Variants in ESRRB observed in about 807,000 individuals in gnomAD.
The protein encoded by ESRRB is steroid hormone receptor ERR2.
In ESRRB, 16 loss-of-function variants were observed where a neutral mutation model predicts 46.0. The ratio of observed to expected loss-of-function variants is 0.35; its 90% confidence interval spans 0.24 to 0.53. The LOEUF (loss-of-function observed/expected upper bound fraction) is 0.53, where lower values mean the gene tolerates loss of function less well. Ranked by LOEUF, ESRRB falls within the 20% of genes least tolerant of loss-of-function variation. ESRRB has a pLI of 0.93. For synonymous variants in ESRRB, 246 were observed against 259.6 expected (o/e 0.95, Z 0.50); for missense variants, 488 against 607.4 (o/e 0.80, Z 2.07).
At position 76,482,846 on chromosome 14, in the gene ESRRB, C is replaced by A; in HGVS notation, c.850+87C>A. On this transcript the variant is annotated intron_variant, in intron 5 of 6. Coordinates refer to ENST00000644823, the MANE Select transcript of ESRRB (RefSeq NM_001379180.1). This position sits in a 1 kb window ranked among gnomAD's most constrained non-coding sequence, Gnocchi z 4.3. ...TACCCAATGGCTGTGCTTCTGATGC[C>A]CGGATCCTGGACCCCAGAAGGCCTG... 6.5e-7 allele frequency: 1 copy of A among 1,527,890 alleles called. No homozygotes were observed. The highest frequency in any genetic ancestry group is 1.1e-5 in the South Asian group (1 of 88,920). The allele number at this position is 1,527,890 out of a possible 1,614,324, so 94.6% of individuals were successfully genotyped here.
chr14:76,472,404 C>T (rs1241467956), intron 3 of ESRRB, among the ~76,000 whole-genome samples: 1 of 152,332 alleles, frequency 6.6e-6, no homozygotes, highest in Non-Finnish European at 1.5e-5. Flanking sequence ...TTATCCACCA[C>T]AGTGCCCGGA....
At chr14:76,319,688 GA>G (rs1883845127) in intron 1 of ESRRB, among the ~76,000 whole-genome samples, 1 of 152,170 alleles carries the variant, frequency 6.6e-6, no homozygotes, top group African/African-American at 2.4e-5. Flanking sequence ...CCACAAGATG[GA>G]TATGAGTCCC....
At chr14:76,411,825 C>G (rs1886456188) in intron 1 of ESRRB, among the ~76,000 whole-genome samples, 1 of 152,184 alleles carries the variant, frequency 6.6e-6, no homozygotes, top group Non-Finnish European at 1.5e-5. Context: ...CTCATCTGCT[C>G]TGTGCAATTT....
intron 1 of ESRRB, among the ~76,000 whole-genome samples, chr14:76,350,283 C>T (rs1487085367): frequency 2.6e-5 from 4 of 152,190 alleles, no homozygotes. Flanking sequence ...GTGGGTAGGG[C>T]GGACCATGTG....
At chr14:76,456,639 G>A (rs922216396) in intron 2 of ESRRB, among the ~76,000 whole-genome samples, 2 of 152,208 alleles carry the variant, frequency 1.3e-5, no homozygotes, top group South Asian at 2.1e-4. Flanking sequence ...GATACAGTAA[G>A]AGGAACAGGC....
intron 1 of ESRRB, among the ~76,000 whole-genome samples, chr14:76,432,235 G>A (rs563845802): frequency 1.3e-3 from 199 of 152,316 alleles, no homozygotes; most frequent in Non-Finnish European, 2.4e-3. Flanking sequence ...GGTAGAGGCC[G>A]GGGGTGCTCC....
intron 1 of ESRRB, among the ~76,000 whole-genome samples, chr14:76,437,660 C>G (rs1226405050): frequency 2.1e-4 from 32 of 152,210 alleles, no homozygotes. Context: ...GGCAGCCTGT[C>G]AAGGACAGGG....
At chr14:76,314,940 A>T (rs1883780620) in intron 1 of ESRRB, among the ~76,000 whole-genome samples, 1 of 152,000 alleles carries the variant, frequency 6.6e-6, no homozygotes, top group South Asian at 2.1e-4. Context: ...ATGCTCTGTG[A>T]ACACACATCC....
Position 76,498,712 on chromosome 14 carries a change from T to C in ESRRB, c.*254T>C, listed in dbSNP as rs1890536535. 7.8e-7 allele frequency: 1 copy of C among 1,289,658 alleles called. No homozygotes were observed. Among genetic ancestry groups the C allele is most frequent in the Non-Finnish European group, 1.1e-6 (1 of 911,596 alleles). 79.9% of individuals were successfully genotyped at this position (1,289,658 alleles called of 1,614,324 possible). ...TCTTTGGTATGTCTTTCCTTCTCCATGGACGGTGCGGAGGCCTGGGCCAGG... is the reference window on the plus strand; with the variant it reads ...TCTTTGGTATGTCTTTCCTTCTCCACGGACGGTGCGGAGGCCTGGGCCAGG... On this transcript the variant is annotated 3_prime_UTR_variant, in exon 7 of 7. Transcript: ENST00000644823.
rs368331437 is a variant in ESRRB at position 76,500,680 on chromosome 14, G to A, written c.*2222G>A. The A allele has an allele frequency of 9.9e-6, 16 of 1,613,796 alleles. No individual in the cohort carries two copies. The highest frequency in any genetic ancestry group is 1.7e-4 in the Middle Eastern group (1 of 6,058). On this transcript the variant is annotated 3_prime_UTR_variant, in exon 7 of 7. Coordinates refer to ENST00000644823, the MANE Select transcript of ESRRB (RefSeq NM_001379180.1). ...GCATCATGCCCAGCTGGCATCTGCT[G>A]TCTGTCTTTTCTAGGGAAAGCATCT... is the stretch of plus-strand genomic sequence containing the variant.
At chr14:76,318,969 C>A (rs1006279558) in intron 1 of ESRRB, among the ~76,000 whole-genome samples, 2 of 152,200 alleles carry the variant, frequency 1.3e-5, no homozygotes, top group Non-Finnish European at 2.9e-5. Context: ...CTTTACAATT[C>A]TCTGCTGAAG....
rs1468463792 is a variant in ESRRB at position 76,499,784 on chromosome 14, G to A, written c.*1326G>A. On this transcript the variant is annotated 3_prime_UTR_variant, in exon 7 of 7. Transcript: ENST00000644823. Reference sequence around the variant, plus strand: ...TACCCCAGGCACACGGGGACAGTGGGTCACTCTATTTCTGTGGATGGCCGT... The same window carrying A: ...TACCCCAGGCACACGGGGACAGTGGATCACTCTATTTCTGTGGATGGCCGT... 6.6e-6 allele frequency: 8 copies of A among 1,213,234 alleles called. No individual in the cohort carries two copies. The highest frequency in any genetic ancestry group is 1.2e-5 in the South Asian group (1 of 82,720). The allele number at this position is 1,213,234 out of a possible 1,614,324, so 75.2% of individuals were successfully genotyped here.
rs1219362294 is a variant in ESRRB at position 76,419,938 on chromosome 14, G to T, written c.51-19403G>T. On this transcript the variant is annotated intron_variant, in intron 1 of 6. Transcript: ENST00000644823. ...AGCCCTGGATCCTGGGATGGAGAGG[G>T]TCTGTCTCATGGGTCAGGAGGACTG... Among the ~76,000 whole-genome samples, 4 of 152,264 alleles carry T rather than the reference G, an allele frequency of 2.6e-5. No homozygotes were observed. In the South Asian group the frequency reaches 8.3e-4, roughly 32 times the overall value.
intron 1 of ESRRB, among the ~76,000 whole-genome samples, chr14:76,383,579 C>T (rs1566868622): frequency 6.6e-6 from 1 of 151,928 alleles, no homozygotes; most frequent in Non-Finnish European, 1.5e-5. Flanking sequence ...TCATTTTTTC[C>T]CCTCTATTTT....
intron 1 of ESRRB, among the ~76,000 whole-genome samples, chr14:76,401,424 G>A (rs1161022656): frequency 1.3e-5 from 2 of 152,182 alleles, no homozygotes; most frequent in African/African-American, 2.4e-5. Flanking sequence ...TTGAGCATTC[G>A]TGGAACTTTA....
chr14:76,358,397 A>AAGAAAGAAAGAAAGAGAGAG (rs1884421954), intron 1 of ESRRB, among the ~76,000 whole-genome samples: 3 of 126,970 alleles, frequency 2.4e-5, no homozygotes, highest in African/African-American at 9.3e-5. Flanking sequence ...GAAAGAAAGA[A>AAGAAAGAAAGAAAGAGAGAG]AGAAAGAAAG....
intron 1 of ESRRB, among the ~76,000 whole-genome samples, chr14:76,317,310 CTGTGTGTGTGTG>C (rs4024313): frequency 0.012 from 1,580 of 134,512 alleles, 9 homozygotes; most frequent in Middle Eastern, 0.029. Context: ...TGATTAGGCT[CTGTGTGTGTGTG>C]TGTGTGTGTG....
intron 3 of ESRRB, 62 bp downstream of exon 3, chr14:76,462,723 C>A: frequency 1.6e-6 from 2 of 1,223,060 alleles, no homozygotes; most frequent in South Asian, 1.2e-5. Flanking sequence ...AGTTTTTGTC[C>A]CCTGTGAGAC....
intron 1 of ESRRB, among the ~76,000 whole-genome samples, chr14:76,396,796 G>T (rs1204653740): frequency 6.6e-6 from 1 of 152,230 alleles, no homozygotes; most frequent in Non-Finnish European, 1.5e-5. Context: ...AACTCCCGGA[G>T]CCAGCGCTGG....
Sources: gnomAD v4.1 joint callset for allele counts (sites outside exome capture counted in the v4.1 genomes callset) on GRCh38, gnomAD v4.1.1 for gene constraint, Gnocchi (gnomAD v3.1) non-coding constraint, MANE v1.5 for transcripts, NCBI Gene and HGNC (gene_info 2026-07-23, HGNC 2026-07-21) for gene names.